KAT2B: variants seen among roughly 807,000 people sequenced by gnomAD.
KAT2B encodes the protein lysine acetyltransferase 2B, also known as histone acetyltransferase KAT2B.
KAT2B carries 36 observed loss-of-function variants against 105.9 expected under a neutral mutation model. That is an observed-to-expected ratio of 0.34 (90% CI 0.26 to 0.45). KAT2B has a LOEUF of 0.45. Ranked by LOEUF, KAT2B falls within the 20% of genes least tolerant of loss-of-function variation. KAT2B has a pLI of 1.00. For synonymous variants in KAT2B, 397 were observed against 377.9 expected, an observed-to-expected ratio of 1.05 and a Z score of -0.59; for missense variants, 820 against 1,021.6, an observed-to-expected ratio of 0.80 and a Z score of 2.69.
chr3:20,069,503 CT>C (rs1056097350), intron 1 of KAT2B, among the ~76,000 whole-genome samples: 225 of 141,494 alleles, frequency 1.6e-3, no homozygotes, highest in African/African-American at 5.7e-3. Flanking sequence ...GGGCAGAGAG[CT>C]TTTCTTTTTC....
Position 20,061,923 on chromosome 3 carries a change from A to G in KAT2B, c.304-10410A>G, listed in dbSNP as rs552462665. Among the ~76,000 whole-genome samples the G allele has an allele frequency of 3.6e-3, 364 of 101,614 alleles. 19 individuals are homozygous for G. In the East Asian group the frequency reaches 0.12, roughly 33 times the overall value. The allele number at this position is 101,614 out of a possible 152,430, so 66.7% of individuals were successfully genotyped here. Reference sequence around the variant, plus strand: ...ATATTATATATAAAATATGTATTATATATCATATATAAAACATAATATATA... The same window carrying G: ...ATATTATATATAAAATATGTATTATGTATCATATATAAAACATAATATATA... On this transcript the variant is annotated intron_variant, in intron 1 of 17. Coordinates refer to ENST00000263754, the MANE Select transcript of KAT2B (RefSeq NM_003884.5).
chr3:20,130,751 A>G (rs1050724596), intron 11 of KAT2B, among the ~76,000 whole-genome samples: 3 of 152,226 alleles, frequency 2.0e-5, no homozygotes, highest in African/African-American at 7.2e-5. Context: ...AGAAGGAAGA[A>G]CAAGAAAAGC....
chr3:20,118,544 A>G (rs1699248895), intron 7 of KAT2B, among the ~76,000 whole-genome samples: 1 of 149,424 alleles, frequency 6.7e-6, no homozygotes, highest in Non-Finnish European at 1.5e-5. Flanking sequence ...TCAACATGGC[A>G]AAACCTCATC....
intron 10 of KAT2B, among the ~76,000 whole-genome samples, chr3:20,127,204 T>G (rs1699420966): frequency 6.6e-6 from 1 of 152,092 alleles, no homozygotes; most frequent in Admixed American, 6.5e-5. Flanking sequence ...GACTGGTATT[T>G]TGTTCTGATG....
At chr3:20,112,649 G>C (rs1415862958) in intron 6 of KAT2B, among the ~76,000 whole-genome samples, 1 of 152,184 alleles carries the variant, frequency 6.6e-6, no homozygotes. Flanking sequence ...GGTCAGGAAG[G>C]TAAAAGGCGT....
chr3:20,068,887 T>A (rs1698270677), intron 1 of KAT2B, among the ~76,000 whole-genome samples: 1 of 152,202 alleles, frequency 6.6e-6, no homozygotes, highest in African/African-American at 2.4e-5. Context: ...GGGAAAGGGC[T>A]GTGGATCAGA....
rs554673880 is a variant in KAT2B, at chr3:20,094,367, A to G, written c.431-896A>G. On this transcript the variant is annotated intron_variant, in intron 2 of 17. Transcript: ENST00000263754. ...TGGGGGAAACTGCCTCCATGATCCA[A>G]TCACTTCCCAGCAGGTCCCTCCCTT... Among the ~76,000 whole-genome samples the G allele has an allele frequency of 5.9e-5, 9 of 152,220 alleles. No individual in the cohort carries two copies. The South Asian group carries it at 8.3e-4, about 14-fold the overall frequency.
At chr3:20,089,369 A>T (rs1041432744) in intron 2 of KAT2B, among the ~76,000 whole-genome samples, 3 of 150,844 alleles carry the variant, frequency 2.0e-5, no homozygotes, top group Admixed American at 6.6e-5. Flanking sequence ...AACATAAAAG[A>T]TATCTTATCA....
intron 5 of KAT2B, 70 bp from the exon 6 acceptor site, chr3:20,111,526 C>T: frequency 9.5e-6 from 12 of 1,264,058 alleles, no homozygotes; most frequent in Non-Finnish European, 1.3e-5. Flanking sequence ...ACGAGATAAA[C>T]ATAATTGAAT....
intron 3 of KAT2B, among the ~76,000 whole-genome samples, chr3:20,096,770 TTGTC>T (rs1449253437): frequency 1.3e-5 from 2 of 152,154 alleles, no homozygotes; most frequent in Non-Finnish European, 2.9e-5. Context: ...TTTCTTTTCT[TTGTC>T]TGAACTTATT....
At chr3:20,122,296 C>A (rs1232385742) in intron 8 of KAT2B, among the ~76,000 whole-genome samples, 1 of 152,174 alleles carries the variant, frequency 6.6e-6, no homozygotes, top group Non-Finnish European at 1.5e-5. Flanking sequence ...AAATTTCAAT[C>A]CATTTTGACG....
Position 20,040,714 on chromosome 3 carries a change from A to G in KAT2B, c.237A>G (p.Lys79=). 6.3e-7 allele frequency: 1 copy of G among 1,591,576 alleles called. No homozygotes were observed. Among genetic ancestry groups the G allele is most frequent in the Non-Finnish European group, 8.5e-7 (1 of 1,172,320 alleles). The change falls in exon 1 of 18, where the codon AAA becomes AAG. Residue 79 remains lysine (K), a synonymous_variant. Coordinates refer to ENST00000263754, the MANE Select transcript of KAT2B (RefSeq NM_003884.5). ...GCTCGGCCCGAATCGCCGTGAAGAA[A>G]GCGCAACTACGCTCCGCTCCGCGGG... is the stretch of plus-strand genomic sequence containing the variant. The part of the protein sequence containing the change: ...GGGSARIAVK[K]AQLRSAPRAK...
chr3:20,118,319 C>T (rs866644998), intron 7 of KAT2B, among the ~76,000 whole-genome samples: 50 of 138,970 alleles, frequency 3.6e-4, no homozygotes, highest in African/African-American at 1.1e-3. Flanking sequence ...TATATATTTT[C>T]TCCTAAATTT....
chr3:20,130,004 G>A (rs188466667), intron 11 of KAT2B, among the ~76,000 whole-genome samples: 111 of 152,122 alleles, frequency 7.3e-4, no homozygotes, highest in Middle Eastern at 6.8e-3. Context: ...TTTTGAGACA[G>A]AGTCTTGCTC....
Position 20,072,402 on chromosome 3 carries a change from C to T in KAT2B, c.373C>T (p.Leu125=), listed in dbSNP as rs779867237. ...NPSPTPPRAD[L]QQIIVSLTES... ...CTCACCCACTCCCCCCAGAGCCGAC[C>T]TGCAGCAAATAATTGTCAGTCTAAC... The change falls in exon 2 of 18, where the codon CTG becomes TTG. Residue 125 remains leucine, a synonymous_variant. Coordinates refer to ENST00000263754, the MANE Select transcript of KAT2B (RefSeq NM_003884.5). 8 of 1,613,484 alleles carry T rather than the reference C, an allele frequency of 5.0e-6. No homozygotes were observed. In the African/African-American group the frequency reaches 6.7e-5, roughly 13 times the overall value.
intron 1 of KAT2B, 41 bp from the exon 2 acceptor site, chr3:20,072,292 C>T: frequency 6.2e-7 from 1 of 1,601,878 alleles, no homozygotes; most frequent in Non-Finnish European, 8.6e-7. Flanking sequence ...TCCACGGCTG[C>T]CTGTTAAATA....
At chr3:20,145,322 A>G (rs1309214635) in intron 13 of KAT2B, among the ~76,000 whole-genome samples, 1 of 152,200 alleles carries the variant, frequency 6.6e-6, no homozygotes, top group East Asian at 1.9e-4. Context: ...GCACTGATCT[A>G]GATTTACTAG....
intron 1 of KAT2B, among the ~76,000 whole-genome samples, chr3:20,067,216 G>T (rs943116835): frequency 6.6e-6 from 1 of 152,162 alleles, no homozygotes; most frequent in African/African-American, 2.4e-5. Context: ...TGAAAGAAAA[G>T]ATCTTTATTC....
intron 1 of KAT2B, among the ~76,000 whole-genome samples, chr3:20,063,312 G>A (rs987883202): frequency 7.3e-5 from 11 of 151,104 alleles, no homozygotes; most frequent in African/African-American, 2.4e-4. Flanking sequence ...CCAGCGTGCT[G>A]GGATTATACA....
Sources: gnomAD v4.1 joint callset for allele counts (sites outside exome capture counted in the v4.1 genomes callset) on GRCh38, gnomAD v4.1.1 for gene constraint, MANE v1.5 for transcripts, NCBI Gene and HGNC (gene_info 2026-07-23, HGNC 2026-07-21) for gene names.